ZFYVE28: variants seen among roughly 807,000 people sequenced by gnomAD.
The protein encoded by ZFYVE28 is zinc finger FYVE-type containing 28.
Under a neutral mutation model 82.1 loss-of-function variants are expected in ZFYVE28, and 40 were observed. The observed-to-expected ratio is 0.49, with a 90% CI of 0.38 to 0.63. ZFYVE28 has a LOEUF of 0.63. ZFYVE28 is among the 30% of genes least tolerant of loss of function. The probability of loss-of-function intolerance (pLI) is 0.00; values close to 1 mark genes in which losing one functional copy is unlikely to be tolerated. For missense variants in ZFYVE28, 1,321 were observed against 1,242.1 expected, an observed-to-expected ratio of 1.06 and a Z score of -0.96; for synonymous variants, 612 against 546.1, an observed-to-expected ratio of 1.12 and a Z score of -1.68.
chr4:2,298,516 C>T lies in ZFYVE28; in HGVS notation c.2051+5773G>A, dbSNP rs897445250. On this transcript the variant is annotated intron_variant, in intron 8 of 12. Transcript: ENST00000290974. ...TCATCTGTCTGCCACTGCCAAGTTC[C>T]GGAAGGAAGGCGCACACAGGCGGGG... 5.9e-5 allele frequency among the ~76,000 whole-genome samples: 9 copies of T among 152,300 alleles called. No homozygotes were observed. In the South Asian group the frequency reaches 1.4e-3, roughly 25 times the overall value.
In ZFYVE28 at chr4:2,372,783, G is replaced by C. The variant is rs1032763890; in HGVS notation, c.40-18710C>G. Among the ~76,000 whole-genome samples the C allele has an allele frequency of 6.6e-6, 1 of 152,078 alleles. No individual in the cohort carries two copies. The highest frequency in any genetic ancestry group is 6.5e-5 in the Admixed American group (1 of 15,276). On this transcript the variant is annotated intron_variant, in intron 1 of 12. Coordinates refer to ENST00000290974, the MANE Select transcript of ZFYVE28 (RefSeq NM_020972.3). The surrounding 1 kb of genome is among the most constrained non-coding windows in gnomAD (Gnocchi z 5.2). ...GATGGCAGAGCCAGCTGCCTCCCTG[G>C]ACCAAGGATGCTGCACACCCCTAAG... is the stretch of plus-strand genomic sequence containing the variant.
chr4:2,322,187 T>C lies in ZFYVE28; in HGVS notation c.702-1916A>G, dbSNP rs370261350. Among the ~76,000 whole-genome samples the C allele has an allele frequency of 3.4e-3, 524 of 152,232 alleles. 4 individuals carry two copies. The highest frequency in any genetic ancestry group is 0.012 in the African/African-American group (494 of 41,554). The stretch of plus-strand genomic sequence containing the variant: ...AGGAGATCAGGCCCAGGTGCTGAAG[T>C]AACGGGGTGTGGGGGCCAGAGGTGG... On this transcript the variant is annotated intron_variant, in intron 6 of 12. Coordinates refer to ENST00000290974, the MANE Select transcript of ZFYVE28 (RefSeq NM_020972.3).
At chr4:2,329,477 A>T (rs1720355664) in intron 6 of ZFYVE28, among the ~76,000 whole-genome samples, 1 of 152,212 alleles carries the variant, frequency 6.6e-6, no homozygotes, top group Non-Finnish European at 1.5e-5. Flanking sequence ...AACATGGGGG[A>T]AACTTGAAAA....
In ZFYVE28 at chr4:2,274,096, G is replaced by A. The variant is rs374759817; in HGVS notation, c.2172C>T (p.His724=). The A allele has an allele frequency of 2.0e-5, 32 of 1,613,480 alleles. No homozygotes were observed. Among genetic ancestry groups the A allele is most frequent in the Middle Eastern group, 3.3e-4 (2 of 6,082 alleles). ...EKIRSRFHGS[H]DLIHRLFVCI... is the part of the protein sequence containing the mutation. The stretch of plus-strand genomic sequence containing the variant: ...AGACGAACAGGCGGTGGATGAGGTC[G>A]TGGCTGCCGTGGAACCTGGACCGGA... Residue 724 remains histidine, a synonymous_variant, in exon 9 of 13, where the codon CAC becomes CAT. Coordinates refer to ENST00000290974, the MANE Select transcript of ZFYVE28 (RefSeq NM_020972.3).
intron 6 of ZFYVE28, chr4:2,330,125 A>AG (rs1720439473): frequency 4.0e-6 from 1 of 250,054 alleles, no homozygotes; most frequent in African/African-American, 2.3e-5. Context: ...GAAGGATAAT[A>AG]GGGGGTGGAG....
chr4:2,407,981 T>G (rs1166866286), intron 1 of ZFYVE28, among the ~76,000 whole-genome samples: 1 of 152,204 alleles, frequency 6.6e-6, no homozygotes, highest in Non-Finnish European at 1.5e-5. Flanking sequence ...CTCTGTCTTG[T>G]AACTTTCTAC....
Position 2,304,931 on chromosome 4 carries a change from C to T in ZFYVE28, c.1409G>A (p.Gly470Glu), listed in dbSNP as rs1433494983. Residue 470 changes from glycine (G) to glutamate (E), a missense_variant, in exon 8 of 13, where the codon GGG (glycine) becomes GAG (glutamate). By Grantham distance (98) the Gly-to-Glu change is moderately conservative. Coordinates refer to ENST00000290974, the MANE Select transcript of ZFYVE28 (RefSeq NM_020972.3). ...GGAGCTGGTGCCCGCGAGGCTGGCC[C>T]CATCTGTGCCCTCGGCCTCGAGATT... Reference protein sequence around the residue: ...NNNLEAEGTDGASLAGTSSCS... With the variant: ...NNNLEAEGTDEASLAGTSSCS... 1 of 1,612,714 alleles carries T rather than the reference C, an allele frequency of 6.2e-7. No homozygotes were observed. The highest frequency in any genetic ancestry group is 1.7e-5 in the Admixed American group (1 of 60,030).
At chr4:2,413,549 G>A (rs1258953393) in intron 1 of ZFYVE28, among the ~76,000 whole-genome samples, 1 of 152,196 alleles carries the variant, frequency 6.6e-6, no homozygotes, top group African/African-American at 2.4e-5. Context: ...CCAGGAGAGG[G>A]AGCACCGCCG....
chr4:2,294,826 C>T (rs575126298), intron 8 of ZFYVE28, among the ~76,000 whole-genome samples: 13 of 152,238 alleles, frequency 8.5e-5, no homozygotes, highest in African/African-American at 2.6e-4. Flanking sequence ...CATGAAGCGA[C>T]GCTTGAGTCG....
At chr4:2,413,404 C>G (rs1341224651) in intron 1 of ZFYVE28, among the ~76,000 whole-genome samples, 1 of 152,212 alleles carries the variant, frequency 6.6e-6, no homozygotes, top group Non-Finnish European at 1.5e-5. Context: ...CGGGGGAGCC[C>G]CAGAGCCTTC....
chr4:2,399,128 GCT>G (rs386670606), intron 1 of ZFYVE28, among the ~76,000 whole-genome samples: 6,837 of 106,784 alleles, frequency 0.064, 1,300 homozygotes, highest in African/African-American at 0.13. Flanking sequence ...GAGGGCACAA[GCT>G]GGGTGGTGAG....
At chr4:2,274,700 T>G (rs1244204226) in intron 8 of ZFYVE28, among the ~76,000 whole-genome samples, 3 of 152,078 alleles carry the variant, frequency 2.0e-5, no homozygotes, top group African/African-American at 7.2e-5. Flanking sequence ...CATCTGGAGA[T>G]GAAGAGATTG....
At chr4:2,352,450 A>C (rs1724623164) in intron 2 of ZFYVE28, among the ~76,000 whole-genome samples, 1 of 151,872 alleles carries the variant, frequency 6.6e-6, no homozygotes, top group Admixed American at 6.6e-5. Flanking sequence ...AAGAAGGGTC[A>C]CAAAGGAGCC....
intron 1 of ZFYVE28, among the ~76,000 whole-genome samples, chr4:2,388,510 T>C (rs1729504950): frequency 6.6e-6 from 1 of 152,144 alleles, no homozygotes; most frequent in South Asian, 2.1e-4. Flanking sequence ...TTCTAGAGCA[T>C]GCCAGGACGG....
intron 2 of ZFYVE28, among the ~76,000 whole-genome samples, chr4:2,347,290 C>T (rs375855826): frequency 1.3e-5 from 2 of 152,254 alleles, no homozygotes; most frequent in East Asian, 3.9e-4. Context: ...TGAAGTAAGA[C>T]GACATAAACA....
chr4:2,366,635 G>A (rs1336460818), intron 1 of ZFYVE28, among the ~76,000 whole-genome samples: 2 of 152,250 alleles, frequency 1.3e-5, no homozygotes, highest in Non-Finnish European at 2.9e-5. Context: ...AATGGCAGAG[G>A]GTAGAGTTCC....
chr4:2,336,845 T>G (rs1281890194), intron 5 of ZFYVE28, among the ~76,000 whole-genome samples: 8 of 87,920 alleles, frequency 9.1e-5, no homozygotes, highest in Non-Finnish European at 1.6e-4. Flanking sequence ...AGTGAGGAGG[T>G]GAGGAGTGAG....
At chr4:2,384,009 G>A (rs1343412001) in intron 1 of ZFYVE28, among the ~76,000 whole-genome samples, 1 of 152,302 alleles carries the variant, frequency 6.6e-6, no homozygotes, top group African/African-American at 2.4e-5. Flanking sequence ...TGTCTCCACT[G>A]GGGCTGTTCT....
intron 1 of ZFYVE28, among the ~76,000 whole-genome samples, chr4:2,363,068 G>A (rs533837543): frequency 4.3e-4 from 66 of 152,290 alleles, no homozygotes; most frequent in Non-Finnish European, 7.4e-4. Flanking sequence ...TGCTGAGACT[G>A]CTGGCTACTT....
Sources: allele counts gnomAD v4.1 joint callset (sites outside exome capture counted in the v4.1 genomes callset), GRCh38; gene constraint gnomAD v4.1.1; non-coding constraint Gnocchi (gnomAD v3.1); transcripts MANE v1.5; gene names NCBI Gene and HGNC (gene_info 2026-07-23, HGNC 2026-07-21).